The following PRSS12 variants were observed in gnomAD, a reference collection of about 807,000 sequenced individuals.
PRSS12 encodes neurotrypsin.
Under a neutral mutation model 104.4 loss-of-function variants are expected in PRSS12, and 85 were observed. The ratio of observed to expected loss-of-function variants is 0.81; its 90% CI spans 0.68 to 0.98. The LOEUF is 0.98. Among genes scored for constraint, PRSS12 ranks in the 50% least tolerant of loss-of-function variants. The pLI, the probability that PRSS12 is intolerant of heterozygous loss-of-function variation, is 0.00. For synonymous variants in PRSS12, 454 were observed against 425.2 expected (o/e 1.07, Z -0.83); for missense variants, 1,141 against 1,139.2 (o/e 1.00, Z -0.02).
At chr4:118,349,395 A>C (rs4834681) in intron 1 of PRSS12, among the ~76,000 whole-genome samples, 123,768 of 147,790 alleles carry the variant, frequency 0.84, 53,606 homozygotes, top group Non-Finnish European at 0.95. Flanking sequence ...CAGAGAGAGA[A>C]CCTATCTCAA....
intron 4 of PRSS12, among the ~76,000 whole-genome samples, chr4:118,327,757 G>C (rs548450253): frequency 6.6e-6 from 1 of 152,130 alleles, no homozygotes; most frequent in Non-Finnish European, 1.5e-5. Context: ...GTACATATGC[G>C]TTCTCAAGTT....
chr4:118,283,892 TTAATC>T (rs1240835953), intron 11 of PRSS12, among the ~76,000 whole-genome samples: 2 of 152,184 alleles, frequency 1.3e-5, no homozygotes, highest in African/African-American at 2.4e-5. Flanking sequence ...TGTTCACTGA[TTAATC>T]TAAAACACCT....
At chr4:118,324,880 T>C (rs1723728907) in intron 4 of PRSS12, among the ~76,000 whole-genome samples, 1 of 151,762 alleles carries the variant, frequency 6.6e-6, no homozygotes, top group Non-Finnish European at 1.5e-5. Context: ...ACCCACTAAT[T>C]TTTGAATTTT....
intron 11 of PRSS12, 52 bp from the exon 12 acceptor site, chr4:118,283,163 T>C: frequency 1.3e-5 from 21 of 1,595,494 alleles, no homozygotes; most frequent in South Asian, 2.2e-5. Flanking sequence ...CTGAAAATTA[T>C]TGTCAAGAAG....
intron 5 of PRSS12, among the ~76,000 whole-genome samples, chr4:118,316,837 A>AATATATATATATATATATAT (rs70941165): frequency 3.0e-5 from 3 of 99,184 alleles, no homozygotes; most frequent in African/African-American, 6.9e-5. Flanking sequence ...AAAAAAAAAA[A>AATATATATATATATATATAT]ATATATATAT....
chr4:118,328,343 T>C (rs1194936205), intron 4 of PRSS12, among the ~76,000 whole-genome samples: 1 of 152,202 alleles, frequency 6.6e-6, no homozygotes, highest in Non-Finnish European at 1.5e-5. Context: ...TTGTATATTT[T>C]AATCACTTTT....
intron 4 of PRSS12, among the ~76,000 whole-genome samples, chr4:118,319,067 T>C (rs985423470): frequency 6.6e-6 from 1 of 152,152 alleles, no homozygotes; most frequent in Non-Finnish European, 1.5e-5. Flanking sequence ...GTTTTTCTTT[T>C]TGTTATGTTT....
intron 1 of PRSS12, among the ~76,000 whole-genome samples, chr4:118,342,889 A>G (rs143150618): frequency 5.9e-5 from 9 of 152,348 alleles, no homozygotes; most frequent in African/African-American, 2.2e-4. Context: ...TTTATAAAGG[A>G]AAGAAAACAT....
rs1742891376 is a variant in PRSS12, at chr4:118,282,139, C to A, written c.2425G>T (p.Ala809Ser). 7 of 1,614,176 alleles carry A rather than the reference C, an allele frequency of 4.3e-6. No individual in the cohort carries two copies. In the East Asian group the frequency reaches 1.6e-4, roughly 36 times the overall value. Residue 809 changes from alanine to serine, a missense_variant, in exon 13 of 13, where the codon GCT becomes TCT. By Grantham distance (99) the Ala-to-Ser change is moderately conservative (BLOSUM62 1). Coordinates refer to ENST00000296498, the MANE Select transcript of PRSS12 (RefSeq NM_003619.4). ...KGRFTGRMLC[A>S]GNLHEHKRVD... ...CGTTTGTGTTCATGGAGGTTTCCAG[C>A]ACAAAGCATTCTCCCTGTAAACCGA...
intron 4 of PRSS12, 117 bp from the exon 5 acceptor site, chr4:118,318,673 C>T: frequency 1.0e-6 from 1 of 993,390 alleles, no homozygotes; most frequent in Non-Finnish European, 1.5e-6. Context: ...ATTCACTTCA[C>T]AGGTCATGCA....
At chr4:118,336,922 T>A (rs1258040364) in intron 2 of PRSS12, among the ~76,000 whole-genome samples, 1 of 152,224 alleles carries the variant, frequency 6.6e-6, no homozygotes, top group Non-Finnish European at 1.5e-5. Context: ...TAAGTATTCA[T>A]GATAAAATCA....
chr4:118,293,943 G>A (rs1375637547), intron 11 of PRSS12, among the ~76,000 whole-genome samples: 1 of 152,144 alleles, frequency 6.6e-6, no homozygotes, highest in African/African-American at 2.4e-5. Context: ...ATGAAAGAAT[G>A]GAAAGCAGCT....
At chr4:118,323,523 AGGG>A (rs1723687342) in intron 4 of PRSS12, among the ~76,000 whole-genome samples, 1 of 151,512 alleles carries the variant, frequency 6.6e-6, no homozygotes, top group Non-Finnish European at 1.5e-5. Flanking sequence ...AGAGAGGAGG[AGGG>A]AGGGAGGGAA....
chr4:118,329,505 A>C (rs1723864790), intron 4 of PRSS12, among the ~76,000 whole-genome samples: 1 of 152,204 alleles, frequency 6.6e-6, no homozygotes, highest in Admixed American at 6.5e-5. Context: ...CCCAGTGAAT[A>C]CATATATGTA....
In PRSS12 at chr4:118,294,979, T is replaced by C; in HGVS notation, c.1999A>G (p.Ser667Gly). ...GCTGCTGTGAGGACCCAGCAGCTAC[T>C]CAGGAGCGTAGCCCCGCAGAGGAGC... ...GRLLCGATLL[S>G]SCWVLTAAHC... The change falls in exon 11 of 13, where the codon AGT (serine) becomes GGT (glycine). Residue 667 changes from serine to glycine, a missense_variant. Coordinates refer to ENST00000296498, the MANE Select transcript of PRSS12 (RefSeq NM_003619.4). 2 of 1,614,124 alleles carry C rather than the reference T, an allele frequency of 1.2e-6. No homozygotes were observed.
intron 9 of PRSS12, 139 bp downstream of exon 9, chr4:118,298,594 C>T (rs1015798588): frequency 5.1e-5 from 48 of 949,378 alleles, no homozygotes; most frequent in Admixed American, 1.2e-4. Context: ...CAAGAACTAC[C>T]GGATCTAAGT....
chr4:118,280,754 G>A lies in PRSS12; in HGVS notation c.*1182C>T, dbSNP rs2126024597. The A allele has an allele frequency of 6.6e-6, 1 of 152,310 alleles. No individual in the cohort carries two copies. The highest frequency in any genetic ancestry group is 6.5e-5 in the Admixed American group (1 of 15,298). 9.4% of individuals were successfully genotyped at this position (152,310 alleles called of 1,614,324 possible). A position where few individuals can be genotyped will look rare whatever the true frequency, so the allele number is the denominator to read the frequency against. On this transcript the variant is annotated 3_prime_UTR_variant, in exon 13 of 13. Coordinates refer to ENST00000296498, the MANE Select transcript of PRSS12 (RefSeq NM_003619.4). ...CTATCCCTTAACTCTTGGAGAAATAGCCATAGGGAAACCAATCATTTAGGT... is the reference window on the plus strand; with the variant it reads ...CTATCCCTTAACTCTTGGAGAAATAACCATAGGGAAACCAATCATTTAGGT...
chr4:118,336,572 T>C (rs1212231356), intron 2 of PRSS12, among the ~76,000 whole-genome samples: 1 of 152,110 alleles, frequency 6.6e-6, no homozygotes, highest in South Asian at 2.1e-4. Flanking sequence ...CTTTTTTTTT[T>C]AAATGGACTA....
At chr4:118,321,324 A>G (rs1361047684) in intron 4 of PRSS12, among the ~76,000 whole-genome samples, 1 of 152,222 alleles carries the variant, frequency 6.6e-6, no homozygotes, top group Non-Finnish European at 1.5e-5. Context: ...TGCCTAGAGA[A>G]GAGTGCACTA....
Sources: gnomAD v4.1 joint callset for allele counts (sites outside exome capture counted in the v4.1 genomes callset) on GRCh38, gnomAD v4.1.1 for gene constraint, MANE v1.5 for transcripts, NCBI Gene and HGNC (gene_info 2026-07-23, HGNC 2026-07-21) for gene names.